Variants in CLEC2A observed in about 807,000 individuals in gnomAD.
CLEC2A encodes C-type lectin domain family 2 member A.
Under a neutral mutation model 18.6 loss-of-function variants are expected in CLEC2A, and 19 were observed. The ratio of observed to expected loss-of-function variants is 1.02; its 90% CI spans 0.71 to 1.50. The LOEUF is 1.50. Ranked by LOEUF, CLEC2A falls within the 40% of genes most tolerant of loss-of-function variation. The pLI is 0.00. For missense variants in CLEC2A, 190 were observed against 207.9 expected, an observed-to-expected ratio of 0.91 and a Z score of 0.53; for synonymous variants, 74 against 64.0, an observed-to-expected ratio of 1.16 and a Z score of -0.75.
chr12:9,923,269 G>T (rs1863203999), intron 2 of CLEC2A, among the ~76,000 whole-genome samples: 2 of 152,118 alleles, frequency 1.3e-5, no homozygotes, highest in South Asian at 4.1e-4. Context: ...GTGGGTGAAG[G>T]ATATGAACAG....
the CLEC2A span, among the ~76,000 whole-genome samples, chr12:9,888,422 G>A: frequency 6.6e-6 from 1 of 151,820 alleles, no homozygotes; most frequent in African/African-American, 2.4e-5. Context: ...CCTGGGAGTC[G>A]GAGCTTGCAG....
chr12:9,901,536 TAA>T (rs973436615), intron 4 of CLEC2A, among the ~76,000 whole-genome samples: 6 of 152,138 alleles, frequency 3.9e-5, no homozygotes, highest in African/African-American at 1.4e-4. Context: ...AGATATAACC[TAA>T]AAAAGATTGA....
chr12:9,903,161 T>C (rs1862859807), intron 4 of CLEC2A, among the ~76,000 whole-genome samples: 1 of 150,952 alleles, frequency 6.6e-6, no homozygotes, highest in Non-Finnish European at 1.5e-5. Flanking sequence ...TTATAATCTC[T>C]GGCAATTTCC....
At chr12:9,884,892 T>C in the CLEC2A span, 2 of 626,134 alleles carry the variant, frequency 3.2e-6, no homozygotes, top group Non-Finnish European at 5.0e-6. Flanking sequence ...AAAATATTTA[T>C]AAAGTGAATA....
intron 4 of CLEC2A, chr12:9,899,064 A>T: frequency 4.6e-6 from 3 of 655,798 alleles, no homozygotes; most frequent in Non-Finnish European, 2.8e-6. Context: ...TGGCTCGAAA[A>T]TTCCAAGGCC....
intron 3 of CLEC2A, among the ~76,000 whole-genome samples, 187 bp from the exon 4 acceptor site, chr12:9,916,990 T>C (rs1863082633): frequency 1.3e-5 from 2 of 152,230 alleles, no homozygotes; most frequent in Non-Finnish European, 2.9e-5. Context: ...ATTTTCATTT[T>C]GCTTTTTTGC....
chr12:9,921,348 G>A (rs1863169839), intron 3 of CLEC2A, among the ~76,000 whole-genome samples: 1 of 152,072 alleles, frequency 6.6e-6, no homozygotes, highest in African/African-American at 2.4e-5. Context: ...TAGCACTTTG[G>A]GAGGCTGAGG....
At chr12:9,881,419 A>C in the CLEC2A span, 1 of 538,680 alleles carries the variant, frequency 1.9e-6, no homozygotes, top group African/African-American at 1.9e-5. Context: ...ATTTTCATTT[A>C]CCAACACATC....
chr12:9,927,971 G>GA (rs531444340), intron 1 of CLEC2A, among the ~76,000 whole-genome samples: 69 of 151,556 alleles, frequency 4.6e-4, no homozygotes, highest in African/African-American at 1.5e-3. Flanking sequence ...AAACAATTGA[G>GA]AAAAAAAGGC....
chr12:9,905,228 G>A (rs1862890154), intron 4 of CLEC2A, among the ~76,000 whole-genome samples: 1 of 152,146 alleles, frequency 6.6e-6, no homozygotes, highest in African/African-American at 2.4e-5. Context: ...ACTCACATGT[G>A]GTGTGTCCAT....
chr12:9,916,816 A>G lies in CLEC2A; in HGVS notation c.307-13T>C, dbSNP rs1863080345. ...TCTTCAAAAATTCCTTTCACAAAAC[A>G]AAGGGAATCAGCGATTACTTAATAT... On this transcript the variant is annotated splice_polypyrimidine_tract_variant and intron_variant, in intron 3 of 4. Transcript: ENST00000455827. The G allele has an allele frequency of 6.7e-7, 1 of 1,482,938 alleles. No homozygotes were observed. Among genetic ancestry groups the G allele is most frequent in the African/African-American group, 1.4e-5 (1 of 71,850 alleles). The allele number at this position is 1,482,938 out of a possible 1,614,324, so 91.9% of individuals were successfully genotyped here.
the CLEC2A span, among the ~76,000 whole-genome samples, chr12:9,879,388 A>G: frequency 6.6e-6 from 1 of 152,196 alleles, no homozygotes; most frequent in Admixed American, 6.5e-5. Flanking sequence ...GGTGAAGGAC[A>G]TTGTAACATG....
chr12:9,896,906 T>C (rs149033433), downstream of CLEC2A, among the ~76,000 whole-genome samples: 1,439 of 150,432 alleles, frequency 9.6e-3, 19 homozygotes, highest in African/African-American at 0.034. Context: ...GTTGCCCAGG[T>C]TGGAGTGCAG....
intron 4 of CLEC2A, among the ~76,000 whole-genome samples, chr12:9,915,412 T>C (rs1863055505): frequency 1.3e-5 from 2 of 152,200 alleles, no homozygotes. Context: ...CATATGTTTA[T>C]TGCAGAACTA....
Position 9,922,175 on chromosome 12 carries a change from C to T in CLEC2A, c.197G>A (p.Arg66Lys), listed in dbSNP as rs897068197. Residue 66 changes from arginine to lysine, a missense_variant, in exon 3 of 5, where the codon AGA becomes AAA. Physicochemically the swap from Arg to Lys is conservative, Grantham distance 26. Coordinates refer to ENST00000455827, the MANE Select transcript of CLEC2A (RefSeq NM_001130711.2). ...VACSGDWLGVRDKCFYFSDDT... is the reference protein window; with the variant it reads ...VACSGDWLGVKDKCFYFSDDT... Reference sequence around the variant, plus strand: ...ATCAGAAAAATAGAAACACTTATCTCTCACTCCAAGCCAGTCCCCTGAACA... The same window carrying T: ...ATCAGAAAAATAGAAACACTTATCTTTCACTCCAAGCCAGTCCCCTGAACA... The T allele has an allele frequency of 3.2e-6, 5 of 1,551,094 alleles. No individual in the cohort carries two copies. The Admixed American group carries it at 9.8e-5, about 30-fold the overall frequency.
intron 4 of CLEC2A, among the ~76,000 whole-genome samples, chr12:9,904,036 C>T (rs1862872125): frequency 6.6e-6 from 1 of 152,214 alleles, no homozygotes. Context: ...CGTCACAATA[C>T]TACCATACAT....
At chr12:9,904,235 G>T (rs952984523) in intron 4 of CLEC2A, among the ~76,000 whole-genome samples, 13 of 152,288 alleles carry the variant, frequency 8.5e-5, no homozygotes, top group African/African-American at 2.4e-4. Context: ...CTGGACTTTG[G>T]GGAATAGCAG....
At chr12:9,888,257 G>A in the CLEC2A span, among the ~76,000 whole-genome samples, 1 of 151,840 alleles carries the variant, frequency 6.6e-6, no homozygotes, top group Non-Finnish European at 1.5e-5. Flanking sequence ...TTCGGAAGCC[G>A]AGGCGGGCGG....
chr12:9,893,461 T>C, the CLEC2A span: 1 of 1,506,466 alleles, frequency 6.6e-7, no homozygotes, highest in Non-Finnish European at 8.9e-7. Flanking sequence ...AACCTGGACA[T>C]TTTGGTTGGA....
Sources: allele counts gnomAD v4.1 joint callset (sites outside exome capture counted in the v4.1 genomes callset), GRCh38; gene constraint gnomAD v4.1.1; transcripts MANE v1.5; gene names NCBI Gene and HGNC (gene_info 2026-07-23, HGNC 2026-07-21).